PHF8: variants seen among roughly 807,000 people sequenced by gnomAD.
PHF8 encodes the protein PHD finger protein 8.
Under a neutral mutation model 74.4 loss-of-function variants are expected in PHF8, and 9 were observed. That is an observed-to-expected ratio of 0.12 (90% CI 0.07 to 0.21). PHF8 has a LOEUF of 0.21. Among genes scored for constraint, PHF8 ranks in the 10% least tolerant of loss-of-function variants. The pLI is 1.00. For missense variants in PHF8, 478 were observed against 816.6 expected, an observed-to-expected ratio of 0.59 and a Z score of 5.05; for synonymous variants, 311 against 316.6, an observed-to-expected ratio of 0.98 and a Z score of 0.19.
chrX:53,975,222 G>A (rs1343240757), intron 18 of PHF8, among the ~76,000 whole-genome samples: 4 of 112,213 alleles, frequency 3.6e-5, no homozygotes, highest in African/African-American at 1.3e-4. Flanking sequence ...GAGAGGATTT[G>A]TTACTCTTCA....
At chrX:54,016,841 T>A in intron 5 of PHF8, 105 bp from the exon 6 acceptor site, 1 of 612,803 alleles carries the variant, frequency 1.6e-6, no homozygotes, top group Non-Finnish European at 2.7e-6. Flanking sequence ...AAAGCTTCTC[T>A]CCACTGACAC....
At chrX:54,031,481 T>C (rs1458443839) in intron 2 of PHF8, among the ~76,000 whole-genome samples, 1 of 107,721 alleles carries the variant, frequency 9.3e-6, no homozygotes, top group African/African-American at 3.4e-5. Context: ...AGGAAGTGTC[T>C]CCTTTATGAG....
chrX:54,017,288 A>G lies in PHF8; in HGVS notation c.454+373T>C, dbSNP rs1053703772. ...TAGTGTGACATCATCTCTACAAAAA[A>G]TAAACAAAACTAGCTAGGCATGGTG... On this transcript the variant is annotated intron_variant, in intron 5 of 21. Coordinates refer to ENST00000338154, the MANE Select transcript of PHF8 (RefSeq NM_015107.3). Among the ~76,000 whole-genome samples, 3 of 112,357 alleles carry G rather than the reference A, an allele frequency of 2.7e-5. No homozygotes were observed. In the Admixed American group the frequency reaches 2.8e-4, roughly 11 times the overall value.
intron 11 of PHF8, among the ~76,000 whole-genome samples, 185 bp from the exon 12 acceptor site, chrX:53,995,967 T>C (rs1445275965): frequency 9.1e-6 from 1 of 110,298 alleles, no homozygotes; most frequent in Non-Finnish European, 1.9e-5. Context: ...TCTTGCACCA[T>C]ACACACAAAC....
At chrX:54,020,210 A>C (rs1472254217) in intron 4 of PHF8, among the ~76,000 whole-genome samples, 1 of 112,055 alleles carries the variant, frequency 8.9e-6, no homozygotes, top group East Asian at 2.8e-4. Flanking sequence ...AAATAAAATA[A>C]AACAAACAAA....
At chrX:54,041,359 G>A (rs1473372684) in intron 2 of PHF8, among the ~76,000 whole-genome samples, 1 of 105,742 alleles carries the variant, frequency 9.5e-6, no homozygotes, top group Non-Finnish European at 1.9e-5. Flanking sequence ...ACTCCAGCCT[G>A]GGTGACAAGA....
intron 19 of PHF8, among the ~76,000 whole-genome samples, chrX:53,961,536 A>C (rs2065105810): frequency 9.0e-6 from 1 of 111,303 alleles, no homozygotes. Flanking sequence ...CATGTCGGTC[A>C]GGCTGGTCCT....
intron 8 of PHF8, among the ~76,000 whole-genome samples, chrX:54,008,734 A>C (rs1195455615): frequency 8.9e-6 from 1 of 111,895 alleles, no homozygotes; most frequent in Non-Finnish European, 1.9e-5. Context: ...AGCTAGACAC[A>C]AAAGACAACA....
intron 19 of PHF8, among the ~76,000 whole-genome samples, chrX:53,946,047 T>C (rs2064828163): frequency 1.8e-5 from 2 of 112,148 alleles, no homozygotes; most frequent in East Asian, 2.8e-4. Flanking sequence ...AAAGGAAGTG[T>C]ATTTCAGGAT....
chrX:54,002,344 T>C lies in PHF8; in HGVS notation c.1035-83A>G, dbSNP rs2065839141. 4 of 625,639 alleles carry C rather than the reference T, an allele frequency of 6.4e-6. 1 individual carries two copies. The East Asian group carries it at 9.9e-5, about 16-fold the overall frequency. The allele number at this position is 625,639 out of a possible 1,213,427, so 51.6% of individuals were successfully genotyped here. A position where few individuals can be genotyped will look rare whatever the true frequency, so the allele number is the denominator to read the frequency against. On this transcript the variant is annotated intron_variant, in intron 9 of 21. Coordinates refer to ENST00000338154, the MANE Select transcript of PHF8 (RefSeq NM_015107.3). ...TGAATCAGGTTTTGTTCTGGATGCTTTGTATCTCTAATCCTCAAAATGACT... is the reference window on the plus strand; with the variant it reads ...TGAATCAGGTTTTGTTCTGGATGCTCTGTATCTCTAATCCTCAAAATGACT...
chrX:53,957,262 AG>A (rs1458776834), intron 19 of PHF8, among the ~76,000 whole-genome samples: 4 of 110,766 alleles, frequency 3.6e-5, no homozygotes, highest in Non-Finnish European at 5.7e-5. Context: ...AGGCTGAAGC[AG>A]AATTGCTTTA....
At chrX:54,039,718 T>C (rs928953963) in intron 2 of PHF8, 1 of 112,307 alleles carries the variant, frequency 8.9e-6, no homozygotes, top group Admixed American at 9.5e-5. Context: ...ACATTATTTA[T>C]AATATAAAAA....
intron 18 of PHF8, among the ~76,000 whole-genome samples, chrX:53,969,087 T>C (rs1338924596): frequency 9.1e-6 from 1 of 109,975 alleles, no homozygotes; most frequent in East Asian, 2.9e-4. Flanking sequence ...ATGCAAAAAT[T>C]AGCTGGGTGT....
At chrX:53,997,733 C>CAAAA (rs2065770086) in intron 11 of PHF8, among the ~76,000 whole-genome samples, 1 of 111,985 alleles carries the variant, frequency 8.9e-6, no homozygotes, top group Non-Finnish European at 1.9e-5. Flanking sequence ...ACCCACCTCC[C>CAAAA]TTTTGGTGTT....
rs2066608873 is a variant in PHF8, at chrX:54,044,074, C to T, written c.-405G>A. ...CCCCGCTGGGTCGCGCGGCGCCAGCCGCTCAACGGTGCTTCAGAGCAGCCT... is the reference window on the plus strand; with the variant it reads ...CCCCGCTGGGTCGCGCGGCGCCAGCTGCTCAACGGTGCTTCAGAGCAGCCT... On this transcript the variant is annotated 5_prime_UTR_variant, in exon 1 of 22. Coordinates refer to ENST00000338154, the MANE Select transcript of PHF8 (RefSeq NM_015107.3). The T allele has an allele frequency of 4.0e-6, 3 of 754,567 alleles. No homozygotes were observed. Among genetic ancestry groups the T allele is most frequent in the Non-Finnish European group, 3.1e-6 (2 of 639,472 alleles). 62.2% of individuals were successfully genotyped at this position (754,567 alleles called of 1,213,427 possible).
intron 20 of PHF8, chrX:53,942,747 G>A (rs1042091634): frequency 1.3e-6 from 1 of 751,340 alleles, no homozygotes; most frequent in Non-Finnish European, 1.6e-6. Flanking sequence ...GGGCTGTTAG[G>A]TAAGGGATCT....
chrX:53,938,702 G>A lies in PHF8; in HGVS notation c.*456C>T. On this transcript the variant is annotated 3_prime_UTR_variant, in exon 22 of 22. Coordinates refer to ENST00000338154, the MANE Select transcript of PHF8 (RefSeq NM_015107.3). ...GGCATGTCCACTGGACTGGGGAAATGGGGCAAACAGAATGGGTGGAGGTGG... is the reference window on the plus strand; with the variant it reads ...GGCATGTCCACTGGACTGGGGAAATAGGGCAAACAGAATGGGTGGAGGTGG... 1.3e-6 allele frequency: 1 copy of A among 760,035 alleles called. No individual in the cohort carries two copies. The highest frequency in any genetic ancestry group is 1.6e-6 in the Non-Finnish European group (1 of 643,345). The allele number at this position is 760,035 out of a possible 1,213,427, so 62.6% of individuals were successfully genotyped here. A position where few individuals can be genotyped will look rare whatever the true frequency, so the allele number is the denominator to read the frequency against.
At chrX:53,959,582 A>T (rs782448543) in intron 19 of PHF8, among the ~76,000 whole-genome samples, 1 of 110,994 alleles carries the variant, frequency 9.0e-6, no homozygotes, top group Non-Finnish European at 1.9e-5. Flanking sequence ...CAAAGTAGGT[A>T]ATCAAGAGAG....
At position 54,009,844 on chromosome X, in the gene PHF8, G is replaced by GGAAAAAAAAAAAAAAAAAAAAAAAAAA. The variant is rs2065952773; in HGVS notation, c.946+1277_946+1278insTTTTTTTTTTTTTTTTTTTTTTTTTTC. Among the ~76,000 whole-genome samples the GGAAAAAAAAAAAAAAAAAAAAAAAAAA allele has an allele frequency of 6.4e-4, 6 of 9,390 alleles. 1 individual carries two copies. The highest frequency in any genetic ancestry group is 0.15 in the Middle Eastern group (2 of 13). 8.2% of individuals were successfully genotyped at this position (9,390 alleles called of 115,157 possible). A position where few individuals can be genotyped will look rare whatever the true frequency, so the allele number is the denominator to read the frequency against. ...GGTGACAGAGTGAGACTCTGTCTCA[G>GGAAAAAAAAAAAAAAAAAAAAAAAAAA]AAAAAAAAAAAAAAAAAAAAAAAAA... On this transcript the variant is annotated intron_variant, in intron 8 of 21. Coordinates refer to ENST00000338154, the MANE Select transcript of PHF8 (RefSeq NM_015107.3).
Sources: allele counts gnomAD v4.1 joint callset (sites outside exome capture counted in the v4.1 genomes callset), GRCh38; gene constraint gnomAD v4.1.1; transcripts MANE v1.5; gene names NCBI Gene and HGNC (gene_info 2026-07-23, HGNC 2026-07-21).